The following CLIP2 variants were observed in gnomAD, a reference collection of about 807,000 sequenced individuals.
CLIP2 encodes the protein CAP-Gly domain-containing linker protein 2.
Under a neutral mutation model 111.7 loss-of-function variants are expected in CLIP2, and 41 were observed. The ratio of observed to expected loss-of-function variants is 0.37; its 90% CI spans 0.29 to 0.48. CLIP2 has a LOEUF of 0.48. Ranked by LOEUF, CLIP2 falls within the 20% of genes least tolerant of loss-of-function variation. CLIP2 has a pLI of 0.99. For synonymous variants in CLIP2, 660 were observed against 644.2 expected (o/e 1.02, Z -0.37); for missense variants, 1,160 against 1,422.1 (o/e 0.82, Z 2.96).
chr7:74,351,063 AAGAG>A (rs1482067749), intron 3 of CLIP2, among the ~76,000 whole-genome samples: 1 of 72,284 alleles, frequency 1.4e-5, no homozygotes, highest in African/African-American at 3.9e-5. Context: ...AGAAGAAAGA[AAGAG>A]AAAGAAAGAA....
At chr7:74,392,089 C>T (rs1554315927) in intron 13 of CLIP2, among the ~76,000 whole-genome samples, 1 of 152,056 alleles carries the variant, frequency 6.6e-6, no homozygotes, top group East Asian at 1.9e-4. Flanking sequence ...CAGTGGCTCA[C>T]GCCTGTAATC....
intron 2 of CLIP2, among the ~76,000 whole-genome samples, chr7:74,320,195 CAA>C (rs34079690): frequency 1.2e-3 from 119 of 99,232 alleles, no homozygotes; most frequent in Admixed American, 2.0e-3. Flanking sequence ...GATTCCATCT[CAA>C]AAAAAAAAAA....
chr7:74,359,555 CCA>C (rs1790262416), intron 6 of CLIP2, among the ~76,000 whole-genome samples: 1 of 151,938 alleles, frequency 6.6e-6, no homozygotes, highest in Non-Finnish European at 1.5e-5. Flanking sequence ...TGGGGTTTCA[CCA>C]TGTTAGCCAG....
chr7:74,334,292 A>G (rs1435073063), intron 2 of CLIP2, among the ~76,000 whole-genome samples: 1 of 152,194 alleles, frequency 6.6e-6, no homozygotes, highest in Non-Finnish European at 1.5e-5. Context: ...CAGAGGAAGA[A>G]TGAAGCGAAG....
At chr7:74,355,122 G>A (rs1554308250) in intron 4 of CLIP2, among the ~76,000 whole-genome samples, 2 of 152,196 alleles carry the variant, frequency 1.3e-5, no homozygotes, top group Non-Finnish European at 2.9e-5. Context: ...ACGAGGCTGT[G>A]ACTGCTTTGA....
At chr7:74,328,714 A>G (rs890671304) in intron 2 of CLIP2, among the ~76,000 whole-genome samples, 1 of 152,052 alleles carries the variant, frequency 6.6e-6, no homozygotes, top group Admixed American at 6.6e-5. Context: ...TTTGCCTGAA[A>G]CAGCCTGCTT....
Position 74,336,172 on chromosome 7 carries a change from A to G in CLIP2, c.122-2276A>G, listed in dbSNP as rs368201342. 1.2e-3 allele frequency among the ~76,000 whole-genome samples: 176 copies of G among 151,808 alleles called. 1 individual carries two copies. The highest frequency in any genetic ancestry group is 4.1e-3 in the African/African-American group (168 of 41,376). The stretch of plus-strand genomic sequence containing the variant: ...AACCTCCGCCTCCTGGGTTCAAGCA[A>G]TTCTCCTGCCTCAGCCTCCCAAGTA... On this transcript the variant is annotated intron_variant, in intron 2 of 16. Coordinates refer to ENST00000223398, the MANE Select transcript of CLIP2 (RefSeq NM_003388.5).
intron 11 of CLIP2, among the ~76,000 whole-genome samples, chr7:74,384,146 C>T (rs564649349): frequency 3.9e-5 from 6 of 152,112 alleles, no homozygotes; most frequent in East Asian, 1.9e-4. Flanking sequence ...GCCAAGATCG[C>T]GCCACTGCAC....
chr7:74,387,723 GC>G (rs782124539), intron 12 of CLIP2, among the ~76,000 whole-genome samples: 85 of 152,332 alleles, frequency 5.6e-4, no homozygotes, highest in Non-Finnish European at 8.2e-4. Flanking sequence ...TGAAGGTGAA[GC>G]TTTTCCTAAT....
At chr7:74,299,899 G>A (rs1324078008) in intron 1 of CLIP2, among the ~76,000 whole-genome samples, 6 of 151,832 alleles carry the variant, frequency 4.0e-5, no homozygotes, top group Non-Finnish European at 7.4e-5. Context: ...GTTTCTCCAT[G>A]TTGGTTAGGC....
At chr7:74,357,141 A>T in intron 5 of CLIP2, 139 bp from the exon 6 acceptor site, 1 of 672,516 alleles carries the variant, frequency 1.5e-6, no homozygotes. Flanking sequence ...GAGTACTGGC[A>T]GGGGAAGAGC....
intron 8 of CLIP2, among the ~76,000 whole-genome samples, chr7:74,368,611 C>T (rs1430451603): frequency 6.6e-6 from 1 of 151,976 alleles, no homozygotes; most frequent in Non-Finnish European, 1.5e-5. Flanking sequence ...CAAAATCATG[C>T]ACATCCGCAC....
intron 12 of CLIP2, among the ~76,000 whole-genome samples, chr7:74,388,387 C>T (rs189573556): frequency 6.6e-6 from 1 of 151,904 alleles, no homozygotes; most frequent in Non-Finnish European, 1.5e-5. Flanking sequence ...GTAATCTCAG[C>T]TACTTGGGAG....
chr7:74,364,459 T>C, intron 8 of CLIP2, 144 bp downstream of exon 8: 1 of 698,514 alleles, frequency 1.4e-6, no homozygotes, highest in Non-Finnish European at 2.4e-6. Flanking sequence ...ATCAAAGGTC[T>C]GATGTCTGAG....
chr7:74,295,110 A>G (rs1218519828), intron 1 of CLIP2, among the ~76,000 whole-genome samples: 1 of 152,060 alleles, frequency 6.6e-6, no homozygotes, highest in Middle Eastern at 3.2e-3. Flanking sequence ...TTACAAGTGC[A>G]TGTCACCATG....
At chr7:74,345,169 T>C (rs1326882456) in intron 3 of CLIP2, among the ~76,000 whole-genome samples, 1 of 152,134 alleles carries the variant, frequency 6.6e-6, no homozygotes, top group Non-Finnish European at 1.5e-5. Context: ...CTAGTTTTAA[T>C]TGGGGAGCTG....
intron 3 of CLIP2, among the ~76,000 whole-genome samples, chr7:74,343,035 A>AG (rs2116571539): frequency 1.1e-5 from 1 of 90,838 alleles, no homozygotes; most frequent in South Asian, 3.5e-4. Context: ...ACTCTGTCTC[A>AG]AAAAAAAAAA....
In CLIP2 at chr7:74,317,641, C is replaced by T. The variant is rs782235252; in HGVS notation, c.95C>T (p.Ala32Val). The change falls in exon 2 of 17, where the codon GCG (alanine) becomes GTG (valine). Residue 32 changes from alanine to valine, a missense_variant. Physicochemically the swap from Ala to Val is moderately conservative, Grantham distance 64. Coordinates refer to ENST00000223398, the MANE Select transcript of CLIP2 (RefSeq NM_003388.5). ...TCTACTGGGTCAGCTTCATCCTCGG[C>T]GGCGGTGGCCGCTAGCTCCAAGGAA... Reference protein sequence around the residue: ...RTSTGSASSSAAVAASSKEGS... With the variant: ...RTSTGSASSSVAVAASSKEGS... 1.8e-5 allele frequency: 27 copies of T among 1,511,122 alleles called. No individual in the cohort carries two copies. Among genetic ancestry groups the T allele is most frequent in the Middle Eastern group, 1.8e-4 (1 of 5,668 alleles). The allele number at this position is 1,511,122 out of a possible 1,614,324, so 93.6% of individuals were successfully genotyped here. A position where few individuals can be genotyped will look rare whatever the true frequency, so the allele number is the denominator to read the frequency against.
chr7:74,400,472 G>T lies in CLIP2; in HGVS notation c.2983G>T (p.Asp995Tyr). 1 of 1,614,072 alleles carries T rather than the reference G, an allele frequency of 6.2e-7. No individual in the cohort carries two copies. The highest frequency in any genetic ancestry group is 8.5e-7 in the Non-Finnish European group (1 of 1,179,962). Residue 995 changes from aspartate to tyrosine, a missense_variant, in exon 15 of 17, where the codon GAC becomes TAC. Asp to Tyr is a radical substitution (Grantham distance 160). Coordinates refer to ENST00000223398, the MANE Select transcript of CLIP2 (RefSeq NM_003388.5). ...GCAGCACCAGCTGATGAGCACGGAGGACGCCCTGCGGGATGCGCTGGACCA... is the reference window on the plus strand; with the variant it reads ...GCAGCACCAGCTGATGAGCACGGAGTACGCCCTGCGGGATGCGCTGGACCA... ...RLQHQLMSTE[D>Y]ALRDALDQAQ...
Sources: gnomAD v4.1 joint callset for allele counts (sites outside exome capture counted in the v4.1 genomes callset) on GRCh38, gnomAD v4.1.1 for gene constraint, MANE v1.5 for transcripts, NCBI Gene and HGNC (gene_info 2026-07-23, HGNC 2026-07-21) for gene names.